Variants in FBXO10 observed in about 807,000 individuals in gnomAD.
FBXO10 encodes F-box only protein 10.
A neutral mutation model predicts 80.7 loss-of-function variants in FBXO10; 39 were observed. That is an observed-to-expected ratio of 0.48 (90% CI 0.37 to 0.63). The LOEUF (loss-of-function observed/expected upper bound fraction) is 0.63. FBXO10 is among the 30% of genes least tolerant of loss of function. The pLI, the probability that FBXO10 is intolerant of heterozygous loss-of-function variation, is 0.00. For synonymous variants in FBXO10, 449 were observed against 489.6 expected, an observed-to-expected ratio of 0.92 and a Z score of 1.09; for missense variants, 1,025 against 1,269.0, an observed-to-expected ratio of 0.81 and a Z score of 2.92.
chr9:37,554,845 T>C (rs1357978896), intron 1 of FBXO10, among the ~76,000 whole-genome samples: 2 of 152,238 alleles, frequency 1.3e-5, no homozygotes, highest in Non-Finnish European at 2.9e-5. Flanking sequence ...TTCTCCTCGA[T>C]GGAAACCTGA....
intron 10 of FBXO10, among the ~76,000 whole-genome samples, chr9:37,514,774 C>T (rs908960182): frequency 6.6e-6 from 1 of 152,072 alleles, no homozygotes; most frequent in Non-Finnish European, 1.5e-5. Context: ...GAAGAGGTTG[C>T]AGTGAGCCAA....
chr9:37,538,467 G>A lies in FBXO10; in HGVS notation c.586-524C>T, dbSNP rs374345895. On this transcript the variant is annotated intron_variant, in intron 2 of 10. Coordinates refer to ENST00000432825, the MANE Select transcript of FBXO10 (RefSeq NM_012166.3). Reference sequence around the variant, plus strand: ...TCACGCCCGTAGTTCCAGCACGTTGGAAGGCCAAGATGGGCAGATCACTTG... The same window carrying A: ...TCACGCCCGTAGTTCCAGCACGTTGAAAGGCCAAGATGGGCAGATCACTTG... Among the ~76,000 whole-genome samples the A allele has an allele frequency of 6.1e-3, 930 of 152,260 alleles. 6 individuals are homozygous for A. The highest frequency in any genetic ancestry group is 0.012 in the South Asian group (58 of 4,828).
chr9:37,528,740 G>A (rs980714662), intron 5 of FBXO10, among the ~76,000 whole-genome samples: 1 of 152,204 alleles, frequency 6.6e-6, no homozygotes, highest in Non-Finnish European at 1.5e-5. Context: ...TTGTGCTGAG[G>A]CCAGGTGCAG....
chr9:37,529,063 A>T, intron 5 of FBXO10, 61 bp downstream of exon 5: 1 of 1,603,950 alleles, frequency 6.2e-7, no homozygotes, highest in South Asian at 1.1e-5. Context: ...GAGTGTTTTC[A>T]AATGGAGGAG....
intron 10 of FBXO10, among the ~76,000 whole-genome samples, chr9:37,513,059 G>C (rs1821103259): frequency 6.6e-6 from 1 of 152,092 alleles, no homozygotes; most frequent in Non-Finnish European, 1.5e-5. Context: ...TCAACCTCCT[G>C]GGCTCAAGTG....
At chr9:37,558,638 G>C (rs1439751603) in intron 1 of FBXO10, among the ~76,000 whole-genome samples, 1 of 152,086 alleles carries the variant, frequency 6.6e-6, no homozygotes, top group African/African-American at 2.4e-5. Flanking sequence ...GTGTTTTTAA[G>C]TAAACGAATA....
intron 8 of FBXO10, among the ~76,000 whole-genome samples, chr9:37,518,722 C>A (rs906301367): frequency 6.6e-6 from 1 of 152,140 alleles, no homozygotes; most frequent in African/African-American, 2.4e-5. Flanking sequence ...GAGCTCCCAC[C>A]GTGTGCTTGA....
chr9:37,513,011 G>C (rs1194016788), intron 10 of FBXO10, among the ~76,000 whole-genome samples: 1 of 152,208 alleles, frequency 6.6e-6, no homozygotes, highest in Non-Finnish European at 1.5e-5. Flanking sequence ...TGTTGCCCAG[G>C]CTGGGGTGCA....
intron 1 of FBXO10, among the ~76,000 whole-genome samples, chr9:37,551,718 T>TC (rs1195467569): frequency 1.3e-5 from 2 of 152,182 alleles, no homozygotes; most frequent in Admixed American, 1.3e-4. Flanking sequence ...AATCAAATGG[T>TC]CACTTGGCCA....
At chr9:37,574,380 T>C (rs566626939) in intron 1 of FBXO10, among the ~76,000 whole-genome samples, 2 of 152,192 alleles carry the variant, frequency 1.3e-5, no homozygotes, top group Non-Finnish European at 2.9e-5. Flanking sequence ...TGAGCATTTA[T>C]TGCTTAACAG....
At chr9:37,550,169 GTTTTTTTTTTTTTTTTT>G (rs74171511) in intron 1 of FBXO10, among the ~76,000 whole-genome samples, 16 of 68,008 alleles carry the variant, frequency 2.4e-4, no homozygotes, top group East Asian at 7.6e-4. Flanking sequence ...GTCGTCTCAG[GTTTTTTTTTTTTTTTTT>G]TTTTTTTTTT....
rs759573783 is a variant in FBXO10 at position 37,537,161 on chromosome 9, T to C, written c.1368A>G (p.Gly456=). 3.1e-6 allele frequency: 5 copies of C among 1,613,958 alleles called. No individual in the cohort carries two copies. The South Asian group carries it at 5.5e-5, about 18-fold the overall frequency. The change falls in exon 3 of 11, where the codon GGA becomes GGG. Residue 456 remains glycine (G), a synonymous_variant. Coordinates refer to ENST00000432825, the MANE Select transcript of FBXO10 (RefSeq NM_012166.3). Reference sequence around the variant, plus strand: ...CGTAAGTCAGGTTCCGGAAGATGTTTCCTTCCATCTTGGCTCTGCCGTGGG... The same window carrying C: ...CGTAAGTCAGGTTCCGGAAGATGTTCCCTTCCATCTTGGCTCTGCCGTGGG... The part of the protein sequence containing the change: ...VCSHGRAKME[G]NIFRNLTYAV...
chr9:37,512,870 C>T, intron 10 of FBXO10, 149 bp from the exon 11 acceptor site: 1 of 807,876 alleles, frequency 1.2e-6, no homozygotes, highest in Non-Finnish European at 1.9e-6. Flanking sequence ...AGTGTTAGTC[C>T]AAAGAGGTGG....
intron 1 of FBXO10, among the ~76,000 whole-genome samples, chr9:37,558,294 T>C (rs1298940623): frequency 6.6e-6 from 1 of 152,204 alleles, no homozygotes; most frequent in Non-Finnish European, 1.5e-5. Context: ...TGGGATCTAT[T>C]GCTAATGGTT....
intron 10 of FBXO10, among the ~76,000 whole-genome samples, chr9:37,513,691 G>C (rs2119040609): frequency 6.6e-6 from 1 of 152,232 alleles, no homozygotes; most frequent in African/African-American, 2.4e-5. Context: ...CCAGGTTCGA[G>C]TGATCCTCCT....
intron 1 of FBXO10, among the ~76,000 whole-genome samples, chr9:37,572,485 T>C (rs1006160579): frequency 4.6e-5 from 7 of 152,176 alleles, no homozygotes; most frequent in African/African-American, 1.7e-4. Flanking sequence ...TGAAACACTG[T>C]TGGCAACGAA....
At position 37,554,062 on chromosome 9, in the gene FBXO10, T is replaced by C. The variant is rs1016622239; in HGVS notation, c.-6-12288A>G. 7.2e-5 allele frequency among the ~76,000 whole-genome samples: 11 copies of C among 152,354 alleles called. No individual in the cohort carries two copies. In the South Asian group the frequency reaches 2.3e-3, roughly 32 times the overall value. ...TATAGTCCAAGGTCTAATTTAGATT[T>C]CTCCAGTTTTACTTGTACTCACTTG... On this transcript the variant is annotated intron_variant, in intron 1 of 10. Coordinates refer to ENST00000432825, the MANE Select transcript of FBXO10 (RefSeq NM_012166.3).
chr9:37,512,130 T>A lies in FBXO10; in HGVS notation c.*417A>T, dbSNP rs145786050. 672 of 154,060 alleles carry A rather than the reference T, an allele frequency of 4.4e-3. 9 individuals carry two copies. Among genetic ancestry groups the A allele is most frequent in the African/African-American group, 0.015 (627 of 41,572 alleles). The allele number at this position is 154,060 out of a possible 1,614,324, so 9.5% of individuals were successfully genotyped here. A position where few individuals can be genotyped will look rare whatever the true frequency, so the allele number is the denominator to read the frequency against. On this transcript the variant is annotated 3_prime_UTR_variant, in exon 11 of 11. Coordinates refer to ENST00000432825, the MANE Select transcript of FBXO10 (RefSeq NM_012166.3). ...GAGACAGCTCTAGCAAAGGGGAAAA[T>A]TCTGGAGCAGTTGTCTCTCTCCACC... is the stretch of plus-strand genomic sequence containing the variant.
chr9:37,534,598 AGT>A (rs1821710306), intron 3 of FBXO10, among the ~76,000 whole-genome samples: 1 of 152,258 alleles, frequency 6.6e-6, no homozygotes, highest in African/African-American at 2.4e-5. Context: ...GCTGTGAATT[AGT>A]GTGAGTGCAG....
Sources: allele counts gnomAD v4.1 joint callset (sites outside exome capture counted in the v4.1 genomes callset), GRCh38; gene constraint gnomAD v4.1.1; transcripts MANE v1.5; gene names NCBI Gene and HGNC (gene_info 2026-07-23, HGNC 2026-07-21).